Variants in LRRC4C observed in about 807,000 individuals in gnomAD.
LRRC4C encodes leucine-rich repeat-containing protein 4C.
LRRC4C carries 5 observed loss-of-function variants against 33.6 expected under a neutral mutation model. That is an observed-to-expected ratio of 0.15 (90% CI 0.08 to 0.31). The LOEUF (loss-of-function observed/expected upper bound fraction) is 0.31. LRRC4C is among the 10% of genes least tolerant of loss of function. The pLI, the probability that LRRC4C is intolerant of heterozygous loss-of-function variation, is 1.00. For missense variants in LRRC4C, 560 were observed against 796.7 expected (o/e 0.70, Z 3.58); for synonymous variants, 329 against 302.0 (o/e 1.09, Z -0.93).
intron 1 of LRRC4C, among the ~76,000 whole-genome samples, chr11:41,392,436 C>T (rs1953635971): frequency 6.6e-6 from 1 of 151,794 alleles, no homozygotes; most frequent in Middle Eastern, 3.4e-3. Context: ...TAGAGGACAA[C>T]CACTGGGAGA....
At chr11:40,560,315 C>T (rs908193461) in intron 3 of LRRC4C, among the ~76,000 whole-genome samples, 4 of 152,234 alleles carry the variant, frequency 2.6e-5, no homozygotes, top group Admixed American at 2.0e-4. Flanking sequence ...TTCTCCCACT[C>T]GTCACAACCA....
chr11:40,705,307 T>C (rs1591511314), intron 2 of LRRC4C, among the ~76,000 whole-genome samples: 4 of 152,040 alleles, frequency 2.6e-5, no homozygotes, highest in African/African-American at 9.7e-5. Context: ...GCTGCACCCA[T>C]TAACTCGTCA....
At chr11:40,208,948 C>CATGT (rs3221638) in intron 5 of LRRC4C, among the ~76,000 whole-genome samples, 1 of 146,640 alleles carries the variant, frequency 6.8e-6, no homozygotes, top group African/African-American at 2.5e-5. Context: ...CTTTTGTGCA[C>CATGT]GTGTGTGTGT....
intron 3 of LRRC4C, among the ~76,000 whole-genome samples, chr11:40,569,868 T>C (rs1957913726): frequency 6.6e-6 from 1 of 152,252 alleles, no homozygotes; most frequent in Middle Eastern, 3.4e-3. Flanking sequence ...AAATTGTGTA[T>C]ACATATAGCG....
intron 2 of LRRC4C, among the ~76,000 whole-genome samples, chr11:40,890,756 GACATTAAGTATGTCATA>G (rs1360631443): frequency 6.6e-6 from 1 of 151,788 alleles, no homozygotes; most frequent in African/African-American, 2.4e-5. Flanking sequence ...TGTATGTTAT[GACATTAAGTATGTCATA>G]ACATACTTAA....
intron 1 of LRRC4C, among the ~76,000 whole-genome samples, chr11:40,998,178 C>A (rs769846638): frequency 6.6e-6 from 1 of 151,404 alleles, no homozygotes; most frequent in Non-Finnish European, 1.5e-5. Flanking sequence ...GTATTTGATA[C>A]AAGGGAATTA....
chr11:41,126,083 G>A (rs550522728), intron 1 of LRRC4C, among the ~76,000 whole-genome samples: 32 of 152,190 alleles, frequency 2.1e-4, no homozygotes, highest in African/African-American at 7.5e-4. Context: ...TCTAATGCAT[G>A]TGGGGCTTAA....
chr11:41,190,508 C>T (rs1945894758), intron 1 of LRRC4C, among the ~76,000 whole-genome samples: 1 of 151,988 alleles, frequency 6.6e-6, no homozygotes, highest in Admixed American at 6.6e-5. Flanking sequence ...CAGCCTAGGT[C>T]GCAGGAATGA....
intron 3 of LRRC4C, among the ~76,000 whole-genome samples, chr11:40,491,310 G>T (rs1954139722): frequency 6.6e-6 from 1 of 152,068 alleles, no homozygotes; most frequent in African/African-American, 2.4e-5. Context: ...ATAAATGGGA[G>T]AAGCCATGTT....
chr11:41,426,028 C>T (rs545206189), intron 1 of LRRC4C, among the ~76,000 whole-genome samples: 7 of 152,208 alleles, frequency 4.6e-5, no homozygotes, highest in African/African-American at 9.6e-5. Flanking sequence ...TTAAACCATA[C>T]GTTGATAGAT....
At chr11:40,304,321 G>T (rs370166922) in intron 4 of LRRC4C, among the ~76,000 whole-genome samples, 1 of 152,276 alleles carries the variant, frequency 6.6e-6, no homozygotes, top group African/African-American at 2.4e-5. Flanking sequence ...AAATGAAAAT[G>T]ATGTGAATTA....
intron 4 of LRRC4C, among the ~76,000 whole-genome samples, chr11:40,250,966 T>G (rs1313200606): frequency 6.6e-6 from 1 of 152,144 alleles, no homozygotes; most frequent in African/African-American, 2.4e-5. Flanking sequence ...TTTTAATTAA[T>G]CAAAGTTATA....
rs150752762 is a variant in LRRC4C at position 40,206,567 on chromosome 11, G to A, written c.-96+34952C>T. Among the ~76,000 whole-genome samples the A allele has an allele frequency of 5.3e-3, 807 of 152,274 alleles. 4 individuals carry two copies. Among genetic ancestry groups the A allele is most frequent in the Non-Finnish European group, 6.9e-3 (467 of 68,028 alleles). On this transcript the variant is annotated intron_variant, in intron 5 of 6. Transcript: ENST00000528697. ...TATTGCCATTTTTCAGGCAGGTTAA[G>A]TAATTGTTCAATGCAGGATGTGGAA...
intron 1 of LRRC4C, among the ~76,000 whole-genome samples, chr11:41,246,104 G>A (rs1341360051): frequency 6.6e-6 from 1 of 152,146 alleles, no homozygotes; most frequent in Non-Finnish European, 1.5e-5. Context: ...ACCCCCTGGA[G>A]CCTGTCACCT....
intron 1 of LRRC4C, among the ~76,000 whole-genome samples, chr11:40,940,970 A>G (rs964450656): frequency 6.7e-6 from 1 of 149,296 alleles, no homozygotes; most frequent in African/African-American, 2.5e-5. Context: ...CACAAGAATG[A>G]TCACGTAATA....
chr11:40,366,314 G>C (rs1948205727), intron 3 of LRRC4C, among the ~76,000 whole-genome samples: 1 of 152,008 alleles, frequency 6.6e-6, no homozygotes, highest in Admixed American at 6.6e-5. Flanking sequence ...TTATGTACAA[G>C]GTACCAGCCT....
chr11:40,303,397 T>G (rs1944876228), intron 4 of LRRC4C, among the ~76,000 whole-genome samples: 1 of 152,186 alleles, frequency 6.6e-6, no homozygotes. Flanking sequence ...AAAATAATGC[T>G]CTATGAACAT....
At chr11:41,438,831 C>A (rs1281680172) in intron 1 of LRRC4C, among the ~76,000 whole-genome samples, 1 of 152,068 alleles carries the variant, frequency 6.6e-6, no homozygotes, top group Admixed American at 6.6e-5. Context: ...AGTAAGGAAA[C>A]CGATTTGATT....
intron 3 of LRRC4C, among the ~76,000 whole-genome samples, chr11:40,335,196 A>C (rs952155475): frequency 3.3e-5 from 5 of 152,190 alleles, no homozygotes; most frequent in South Asian, 2.1e-4. Context: ...CCCTGTACAC[A>C]AAAGTCAGAA....
Sources: allele counts gnomAD v4.1 joint callset (sites outside exome capture counted in the v4.1 genomes callset), GRCh38; gene constraint gnomAD v4.1.1; transcripts MANE v1.5; gene names NCBI Gene and HGNC (gene_info 2026-07-23, HGNC 2026-07-21).